FHIT: variants seen among roughly 807,000 people sequenced by gnomAD.
FHIT encodes fragile histidine triad diadenosine triphosphatase, also known as bis(5'-adenosyl)-triphosphatase.
Under a neutral mutation model 17.9 loss-of-function variants are expected in FHIT, and 19 were observed. The ratio of observed to expected loss-of-function variants is 1.06; its 90% CI spans 0.74 to 1.56. The LOEUF is 1.56. Ranked by LOEUF, FHIT falls within the 40% of genes most tolerant of loss-of-function variation. The probability of loss-of-function intolerance (pLI) is 0.00; values close to 1 mark genes in which losing one functional copy is unlikely to be tolerated. For missense variants in FHIT, 248 were observed against 189.2 expected, an observed-to-expected ratio of 1.31 and a Z score of -1.82; for synonymous variants, 81 against 69.7, an observed-to-expected ratio of 1.16 and a Z score of -0.81.
At chr3:60,454,405 G>A (rs145152631) in intron 5 of FHIT, among the ~76,000 whole-genome samples, 317 of 147,508 alleles carry the variant, frequency 2.1e-3, no homozygotes, top group African/African-American at 7.6e-3. Flanking sequence ...TTTTTCTTGA[G>A]ACAGAGCCTC....
At chr3:60,556,131 C>A (rs1223774777) in intron 4 of FHIT, among the ~76,000 whole-genome samples, 5 of 152,144 alleles carry the variant, frequency 3.3e-5, no homozygotes, top group Non-Finnish European at 7.3e-5. Flanking sequence ...TCCTCCTGAC[C>A]TGGAATGAAC....
At chr3:61,215,798 T>C (rs1222719255) in intron 1 of FHIT, among the ~76,000 whole-genome samples, 1 of 152,142 alleles carries the variant, frequency 6.6e-6, no homozygotes. Flanking sequence ...AAAACAGAGA[T>C]ATAGATCAAT....
intron 4 of FHIT, among the ~76,000 whole-genome samples, chr3:60,601,170 T>C (rs1258804113): frequency 6.6e-6 from 1 of 152,140 alleles, no homozygotes; most frequent in African/African-American, 2.4e-5. Flanking sequence ...ATTAATAGGA[T>C]CTCGGAAGAT....
At chr3:59,768,810 A>G (rs933727801) in intron 8 of FHIT, among the ~76,000 whole-genome samples, 1 of 152,270 alleles carries the variant, frequency 6.6e-6, no homozygotes, top group Admixed American at 6.5e-5. Context: ...TGTAAACCAT[A>G]TGATATACTA....
At chr3:60,593,919 C>T (rs1344811518) in intron 4 of FHIT, among the ~76,000 whole-genome samples, 3 of 152,158 alleles carry the variant, frequency 2.0e-5, no homozygotes, top group African/African-American at 7.2e-5. Flanking sequence ...ATTTCTAAGA[C>T]CAAATATTCT....
At chr3:60,125,498 G>A (rs1705500016) in intron 5 of FHIT, among the ~76,000 whole-genome samples, 1 of 151,916 alleles carries the variant, frequency 6.6e-6, no homozygotes. Flanking sequence ...CAGGTGTGGT[G>A]GTGCATGCCT....
intron 5 of FHIT, among the ~76,000 whole-genome samples, chr3:60,517,185 A>C (rs1369060490): frequency 6.6e-6 from 1 of 152,202 alleles, no homozygotes; most frequent in Non-Finnish European, 1.5e-5. Context: ...GGTTAAGTTA[A>C]ATATATTTTT....
intron 8 of FHIT, among the ~76,000 whole-genome samples, chr3:59,860,881 C>A (rs529157432): frequency 6.6e-6 from 1 of 152,226 alleles, no homozygotes; most frequent in South Asian, 2.1e-4. Context: ...GTATGAAAAT[C>A]CAGTAATGAT....
intron 3 of FHIT, among the ~76,000 whole-genome samples, chr3:60,861,972 C>T (rs180856174): frequency 1.6e-4 from 23 of 148,370 alleles, no homozygotes; most frequent in Admixed American, 6.7e-4. Flanking sequence ...CCGGTTTGAT[C>T]ACTTTGGTAA....
intron 4 of FHIT, among the ~76,000 whole-genome samples, chr3:60,808,735 C>A (rs1481341607): frequency 1.3e-5 from 2 of 152,150 alleles, no homozygotes; most frequent in Non-Finnish European, 2.9e-5. Context: ...AGAGGGACAT[C>A]CTTATCATAT....
chr3:60,891,264 G>A (rs1482832121), intron 3 of FHIT, among the ~76,000 whole-genome samples: 1 of 152,080 alleles, frequency 6.6e-6, no homozygotes, highest in African/African-American at 2.4e-5. Flanking sequence ...CCAATTTTCT[G>A]AAAAACTACT....
At chr3:61,176,090 T>C (rs1427539966) in intron 2 of FHIT, among the ~76,000 whole-genome samples, 1 of 152,224 alleles carries the variant, frequency 6.6e-6, no homozygotes, top group Non-Finnish European at 1.5e-5. Flanking sequence ...CTGATGAACA[T>C]ACAGAATCGA....
intron 3 of FHIT, among the ~76,000 whole-genome samples, chr3:60,897,613 C>T (rs1292218316): frequency 6.6e-6 from 1 of 152,130 alleles, no homozygotes; most frequent in Non-Finnish European, 1.5e-5. Context: ...TTACACTATA[C>T]ATGGGAATGT....
At chr3:60,979,617 G>C (rs1710406941) in intron 3 of FHIT, among the ~76,000 whole-genome samples, 2 of 152,112 alleles carry the variant, frequency 1.3e-5, no homozygotes, top group South Asian at 4.2e-4. Context: ...ACCCTTCTGG[G>C]CCCGTCATGA....
chr3:60,719,434 C>T (rs1170670541), intron 4 of FHIT, among the ~76,000 whole-genome samples: 2 of 152,252 alleles, frequency 1.3e-5, no homozygotes, highest in Non-Finnish European at 2.9e-5. Flanking sequence ...TCTTAGCCTG[C>T]TGTATAACTC....
intron 2 of FHIT, among the ~76,000 whole-genome samples, chr3:61,100,641 C>T (rs1383872949): frequency 6.6e-6 from 1 of 152,212 alleles, no homozygotes; most frequent in African/African-American, 2.4e-5. Context: ...GCCACACTGT[C>T]TTCCACATTG....
At chr3:60,312,004 G>A (rs780476642) in intron 5 of FHIT, among the ~76,000 whole-genome samples, 1 of 152,074 alleles carries the variant, frequency 6.6e-6, no homozygotes, top group African/African-American at 2.4e-5. Flanking sequence ...AATTTAGTGG[G>A]CCGTGACCAG....
intron 5 of FHIT, among the ~76,000 whole-genome samples, chr3:60,425,067 A>G (rs1433453244): frequency 6.6e-6 from 1 of 152,060 alleles, no homozygotes; most frequent in Non-Finnish European, 1.5e-5. Flanking sequence ...CATTAGCTGA[A>G]CGTGCCTTCC....
At chr3:60,460,500 A>G (rs2032393110) in intron 5 of FHIT, among the ~76,000 whole-genome samples, 1 of 152,184 alleles carries the variant, frequency 6.6e-6, no homozygotes, top group Admixed American at 6.5e-5. Flanking sequence ...AAGGATTTAT[A>G]TTGCATAATT....
Sources: gnomAD v4.1 joint callset for allele counts (sites outside exome capture counted in the v4.1 genomes callset) on GRCh38, gnomAD v4.1.1 for gene constraint, MANE v1.5 for transcripts, NCBI Gene and HGNC (gene_info 2026-07-23, HGNC 2026-07-21) for gene names.